Variants in PTPRG observed in about 807,000 individuals in gnomAD.
PTPRG encodes protein tyrosine phosphatase receptor type G, also known as receptor-type tyrosine-protein phosphatase gamma.
Under a neutral mutation model 165.3 loss-of-function variants are expected in PTPRG, and 102 were observed. The ratio of observed to expected loss-of-function variants is 0.62; its 90% CI spans 0.53 to 0.73. The LOEUF (loss-of-function observed/expected upper bound fraction) is 0.73. PTPRG is among the 30% of genes least tolerant of loss of function. PTPRG has a pLI of 0.00. For synonymous variants in PTPRG, 675 were observed against 669.5 expected (o/e 1.01, Z -0.13); for missense variants, 1,866 against 1,861.4 (o/e 1.00, Z -0.05).
chr3:62,248,129 A>C (rs920768037), intron 15 of PTPRG, among the ~76,000 whole-genome samples: 2 of 152,072 alleles, frequency 1.3e-5, no homozygotes, highest in Non-Finnish European at 2.9e-5. Context: ...GTTAGAAAAA[A>C]CTCAAAATGC....
chr3:62,242,011 A>G (rs1398754537), intron 14 of PTPRG, among the ~76,000 whole-genome samples: 1 of 152,212 alleles, frequency 6.6e-6, no homozygotes, highest in Non-Finnish European at 1.5e-5. Flanking sequence ...CATTCTGGAA[A>G]TCTGTGCAAA....
rs565069276 is a variant in PTPRG at position 62,051,403 on chromosome 3, G to A, written c.520-26760G>A. Reference sequence around the variant, plus strand: ...CCCAGTGACATGATTGTGCAGCAAGGTTGAGGAGCTACTGTGCAAGAAAAG... The same window carrying A: ...CCCAGTGACATGATTGTGCAGCAAGATTGAGGAGCTACTGTGCAAGAAAAG... On this transcript the variant is annotated intron_variant, in intron 4 of 29. Transcript: ENST00000474889. 7.2e-5 allele frequency among the ~76,000 whole-genome samples: 11 copies of A among 152,264 alleles called. 1 individual carries two copies. In the South Asian group the frequency reaches 2.3e-3, roughly 32 times the overall value.
intron 1 of PTPRG, among the ~76,000 whole-genome samples, chr3:61,718,721 A>G (rs2031925045): frequency 6.6e-6 from 1 of 152,348 alleles, no homozygotes; most frequent in Middle Eastern, 3.4e-3. Context: ...CCAGAGACTC[A>G]TAAGACAGGC....
intron 17 of PTPRG, among the ~76,000 whole-genome samples, chr3:62,266,390 A>C (rs368902874): frequency 2.2e-4 from 33 of 152,238 alleles, no homozygotes; most frequent in African/African-American, 7.7e-4. Flanking sequence ...TCACCTCCCA[A>C]ATTGATCTAT....
intron 8 of PTPRG, among the ~76,000 whole-genome samples, chr3:62,176,802 A>G (rs1014625564): frequency 2.6e-5 from 4 of 152,144 alleles, no homozygotes; most frequent in African/African-American, 9.7e-5. Context: ...TAGTAGGTGC[A>G]CAGTCATTGC....
intron 2 of PTPRG, among the ~76,000 whole-genome samples, chr3:61,864,393 G>C (rs1356804925): frequency 6.6e-6 from 1 of 152,128 alleles, no homozygotes; most frequent in East Asian, 1.9e-4. Flanking sequence ...TGGATAAGGG[G>C]ACAGTGCTTC....
intron 2 of PTPRG, among the ~76,000 whole-genome samples, chr3:61,782,894 C>G (rs1459696271): frequency 1.3e-5 from 2 of 152,114 alleles, no homozygotes; most frequent in African/African-American, 4.8e-5. Flanking sequence ...CCTCAAACTC[C>G]TGGGCTCAAG....
At chr3:62,086,872 T>G (rs1701769127) in intron 5 of PTPRG, among the ~76,000 whole-genome samples, 1 of 129,724 alleles carries the variant, frequency 7.7e-6, no homozygotes, top group Non-Finnish European at 1.6e-5. Context: ...TTTCAGCACA[T>G]CTTCTTCTGC....
chr3:61,731,539 G>C (rs1397100650), intron 1 of PTPRG, among the ~76,000 whole-genome samples: 2 of 151,960 alleles, frequency 1.3e-5, no homozygotes, highest in African/African-American at 4.8e-5. Flanking sequence ...AGTAGAGACA[G>C]GGTTTCACCA....
intron 4 of PTPRG, among the ~76,000 whole-genome samples, chr3:62,070,093 T>G (rs1701160889): frequency 6.6e-6 from 1 of 152,240 alleles, no homozygotes; most frequent in Non-Finnish European, 1.5e-5. Context: ...ATATGTATAA[T>G]GTATATTTAT....
At chr3:62,168,496 C>G (rs994520752) in intron 8 of PTPRG, among the ~76,000 whole-genome samples, 1 of 152,208 alleles carries the variant, frequency 6.6e-6, no homozygotes, top group African/African-American at 2.4e-5. Flanking sequence ...AGGAGCTTAT[C>G]TCTGAGCTCA....
chr3:61,682,422 G>A (rs1482014736), intron 1 of PTPRG, among the ~76,000 whole-genome samples: 1 of 152,190 alleles, frequency 6.6e-6, no homozygotes, highest in Non-Finnish European at 1.5e-5. Flanking sequence ...GCTGTTAAAT[G>A]TTGACAGTAA....
intron 6 of PTPRG, 41 bp downstream of exon 6, chr3:62,132,709 G>A: frequency 6.6e-7 from 1 of 1,505,806 alleles, no homozygotes; most frequent in Non-Finnish European, 9.2e-7. Context: ...GGGATGTGAA[G>A]GGCTCAGATC....
chr3:61,984,892 A>G (rs1429829432), intron 2 of PTPRG, among the ~76,000 whole-genome samples: 3 of 152,214 alleles, frequency 2.0e-5, no homozygotes, highest in East Asian at 1.9e-4. Context: ...TTTGTCAATT[A>G]TATAGAATGT....
intron 13 of PTPRG, among the ~76,000 whole-genome samples, chr3:62,227,498 A>T (rs1189995038): frequency 1.3e-5 from 2 of 152,246 alleles, no homozygotes; most frequent in Admixed American, 6.5e-5. Flanking sequence ...GCAAGGAATC[A>T]GGGACTGCAT....
intron 4 of PTPRG, among the ~76,000 whole-genome samples, chr3:62,025,706 G>A (rs1036480575): frequency 6.6e-6 from 1 of 151,922 alleles, no homozygotes; most frequent in African/African-American, 2.4e-5. Context: ...ATGAACTAAT[G>A]TAAAAATTGT....
chr3:62,287,879 A>G (rs943333812), intron 28 of PTPRG, among the ~76,000 whole-genome samples: 4 of 152,236 alleles, frequency 2.6e-5, no homozygotes, highest in African/African-American at 9.6e-5. Flanking sequence ...TGGAATTTCA[A>G]TACATTCCCC....
chr3:62,256,041 C>A (rs1166517515), intron 16 of PTPRG, among the ~76,000 whole-genome samples: 1 of 152,066 alleles, frequency 6.6e-6, no homozygotes, highest in African/African-American at 2.4e-5. Flanking sequence ...GTCGAGGAGG[C>A]CAAGTTTTCA....
chr3:62,199,398 C>T (rs968166201), intron 10 of PTPRG, among the ~76,000 whole-genome samples: 2 of 152,124 alleles, frequency 1.3e-5, no homozygotes, highest in Admixed American at 6.5e-5. Flanking sequence ...GGAGTGCCAT[C>T]AGTGGGAAAT....
Sources: allele counts gnomAD v4.1 joint callset (sites outside exome capture counted in the v4.1 genomes callset), GRCh38; gene constraint gnomAD v4.1.1; transcripts MANE v1.5; gene names NCBI Gene and HGNC (gene_info 2026-07-23, HGNC 2026-07-21).